The following RNF150 variants were observed in gnomAD, a reference collection of about 807,000 sequenced individuals.
RNF150 encodes ring finger protein 150.
A neutral mutation model predicts 39.3 loss-of-function variants in RNF150; 24 were observed. The ratio of observed to expected loss-of-function variants is 0.61; its 90% CI spans 0.44 to 0.86. RNF150 has a LOEUF of 0.86. Ranked by LOEUF, RNF150 falls within the 40% of genes least tolerant of loss-of-function variation. The probability of loss-of-function intolerance (pLI) is 0.00; values close to 1 mark genes in which losing one functional copy is unlikely to be tolerated. For synonymous variants in RNF150, 255 were observed against 227.3 expected, an observed-to-expected ratio of 1.12 and a Z score of -1.10; for missense variants, 502 against 587.8, an observed-to-expected ratio of 0.85 and a Z score of 1.51.
chr4:141,117,542 G>T (rs1726454956), intron 1 of RNF150, among the ~76,000 whole-genome samples: 1 of 151,974 alleles, frequency 6.6e-6, no homozygotes, highest in African/African-American at 2.4e-5. Context: ...AAATGTATAT[G>T]GTATGGTCTG....
chr4:140,978,455 T>C (rs1412315362), intron 1 of RNF150, among the ~76,000 whole-genome samples: 3 of 152,204 alleles, frequency 2.0e-5, no homozygotes, highest in Non-Finnish European at 4.4e-5. Context: ...CTTGAGGTGA[T>C]CAATGACTCA....
At position 141,105,247 on chromosome 4, in the gene RNF150, CTCATATTA is replaced by C. The variant is rs371028187; in HGVS notation, c.484+27070_484+27077del. 1.3e-3 allele frequency among the ~76,000 whole-genome samples: 198 copies of C among 152,200 alleles called. 3 individuals carry two copies. The highest frequency in any genetic ancestry group is 3.9e-3 in the African/African-American group (160 of 41,524). On this transcript the variant is annotated intron_variant, in intron 1 of 6. Transcript: ENST00000515673. ...GCTTTTTCCAAATTGGCCTACTTAC[CTCATATTA>C]TCATTTTCCCTTTCAAAAATCTACA...
chr4:141,091,908 C>T (rs1329560621), intron 1 of RNF150, among the ~76,000 whole-genome samples: 2 of 151,764 alleles, frequency 1.3e-5, no homozygotes, highest in African/African-American at 4.9e-5. Flanking sequence ...ACACAATATA[C>T]ACATATATGG....
At chr4:141,200,545 G>A (rs6537035) in intron 1 of RNF150, among the ~76,000 whole-genome samples, 33,347 of 151,042 alleles carry the variant, frequency 0.22, 4,356 homozygotes, top group East Asian at 0.62. Flanking sequence ...TCTTTTATAA[G>A]GGCACTAATC....
chr4:140,923,141 C>G (rs141473387), intron 5 of RNF150, among the ~76,000 whole-genome samples: 86,831 of 150,792 alleles, frequency 0.58, 25,576 homozygotes, highest in East Asian at 0.89. Flanking sequence ...AAACTAAGGA[C>G]CTTCTGCACA....
chr4:141,036,835 T>C (rs1235172586), intron 1 of RNF150, among the ~76,000 whole-genome samples: 1 of 152,218 alleles, frequency 6.6e-6, no homozygotes, highest in Non-Finnish European at 1.5e-5. Flanking sequence ...AAAAATACCC[T>C]AATATCTAAC....
At chr4:140,995,862 T>C (rs192382727) in intron 1 of RNF150, among the ~76,000 whole-genome samples, 4 of 152,340 alleles carry the variant, frequency 2.6e-5, no homozygotes, top group Admixed American at 2.6e-4. Context: ...CACATTTTCT[T>C]TGTCCATTTG....
intron 1 of RNF150, among the ~76,000 whole-genome samples, chr4:141,044,433 G>A (rs1255786390): frequency 6.6e-6 from 1 of 152,016 alleles, no homozygotes; most frequent in African/African-American, 2.4e-5. Flanking sequence ...CCTGGAAATG[G>A]AGAAATAGTT....
At chr4:141,063,917 G>T (rs1737348039) in intron 1 of RNF150, among the ~76,000 whole-genome samples, 1 of 145,486 alleles carries the variant, frequency 6.9e-6, no homozygotes, top group Non-Finnish European at 1.5e-5. Context: ...CTAGCCAAAG[G>T]TTTTGGCCTT....
chr4:140,904,575 G>C (rs1485780914), intron 6 of RNF150, among the ~76,000 whole-genome samples: 1 of 152,172 alleles, frequency 6.6e-6, no homozygotes, highest in Admixed American at 6.5e-5. Context: ...ATACTGGAAT[G>C]GTTGATCTAA....
intron 5 of RNF150, among the ~76,000 whole-genome samples, chr4:140,918,805 A>T (rs9683430): frequency 0.55 from 83,722 of 151,806 alleles, 23,592 homozygotes; most frequent in East Asian, 0.89. Context: ...TGGCAAACCA[A>T]ATCCAGCAGC....
chr4:140,905,551 GGAA>G (rs1214746604), intron 6 of RNF150, among the ~76,000 whole-genome samples: 1 of 152,126 alleles, frequency 6.6e-6, no homozygotes, highest in East Asian at 1.9e-4. Context: ...GAAAAGAAGG[GGAA>G]GAAGATGGGG....
rs1289728201 is a variant in RNF150 at position 140,865,562 on chromosome 4, T to C, written c.*2699A>G. On this transcript the variant is annotated 3_prime_UTR_variant, in exon 7 of 7. Transcript: ENST00000515673. ...TAAGCTTTTTTTTTTTCTTTTTTTT[T>C]TTTTTTTTAAACTATCAAAGCTACA... The C allele has an allele frequency of 4.0e-5, 6 of 151,570 alleles. No homozygotes were observed. The highest frequency in any genetic ancestry group is 9.7e-5 in the African/African-American group (4 of 41,140). 9.4% of individuals were successfully genotyped at this position (151,570 alleles called of 1,614,324 possible). A position where few individuals can be genotyped will look rare whatever the true frequency, so the allele number is the denominator to read the frequency against.
chr4:141,146,711 A>T (rs1307880759), intron 1 of RNF150, among the ~76,000 whole-genome samples: 1 of 152,130 alleles, frequency 6.6e-6, no homozygotes, highest in Non-Finnish European at 1.5e-5. Flanking sequence ...ACTTTGGAAC[A>T]CTCTCAGATA....
In RNF150 at chr4:140,859,965, T is replaced by A. The variant is rs964013192; in HGVS notation, c.*8296A>T. 1 of 152,186 alleles carries A rather than the reference T, an allele frequency of 6.6e-6. No individual in the cohort carries two copies. Among genetic ancestry groups the A allele is most frequent in the African/African-American group, 2.4e-5 (1 of 41,446 alleles). 9.4% of individuals were successfully genotyped at this position (152,186 alleles called of 1,614,324 possible). On this transcript the variant is annotated 3_prime_UTR_variant, in exon 7 of 7. Transcript: ENST00000515673. ...CACTTATTTACATGATAGTCTTCTA[T>A]ATAACAAAAATAACCATGTTGTAAT...
chr4:141,132,194 G>C lies in RNF150; in HGVS notation c.484+131C>G. On this transcript the variant is annotated intron_variant, in intron 1 of 6. Coordinates refer to ENST00000515673, the MANE Select transcript of RNF150 (RefSeq NM_020724.2). The surrounding 1 kb of genome is among the most constrained non-coding windows in gnomAD (Gnocchi z 4.9). ...AGTGACGCGGAGCAAAACTTAATCGGTCCAGGGAACCCAGACACGTCTTCC... is the reference window on the plus strand; with the variant it reads ...AGTGACGCGGAGCAAAACTTAATCGCTCCAGGGAACCCAGACACGTCTTCC... 1.1e-6 allele frequency: 1 copy of C among 942,182 alleles called. No individual in the cohort carries two copies. The highest frequency in any genetic ancestry group is 2.6e-5 in the East Asian group (1 of 37,972). 58.4% of individuals were successfully genotyped at this position (942,182 alleles called of 1,614,324 possible).
chr4:140,943,207 G>T (rs1377941474), intron 4 of RNF150, among the ~76,000 whole-genome samples: 4 of 152,052 alleles, frequency 2.6e-5, no homozygotes, highest in African/African-American at 7.2e-5. Flanking sequence ...AGTATCGAAG[G>T]CCAAAGGAAA....
chr4:140,988,822 C>T (rs1734098771), intron 1 of RNF150, among the ~76,000 whole-genome samples: 1 of 152,014 alleles, frequency 6.6e-6, no homozygotes, highest in South Asian at 2.1e-4. Context: ...ACTATGCAGC[C>T]ATAAAAAATG....
At chr4:141,040,994 A>C (rs1578660564) in intron 1 of RNF150, among the ~76,000 whole-genome samples, 1 of 152,296 alleles carries the variant, frequency 6.6e-6, no homozygotes, top group African/African-American at 2.4e-5. Flanking sequence ...TTTAACTTTT[A>C]AAAGTGTTGG....
Sources: gnomAD v4.1 joint callset for allele counts (sites outside exome capture counted in the v4.1 genomes callset) on GRCh38, gnomAD v4.1.1 for gene constraint, Gnocchi (gnomAD v3.1) non-coding constraint, MANE v1.5 for transcripts, NCBI Gene and HGNC (gene_info 2026-07-23, HGNC 2026-07-21) for gene names.